Variants in PRUNE2 observed in about 807,000 individuals in gnomAD.
PRUNE2 encodes the protein protein prune homolog 2.
PRUNE2 carries 164 observed loss-of-function variants against 252.0 expected under a neutral mutation model. The ratio of observed to expected loss-of-function variants is 0.65; its 90% CI spans 0.57 to 0.74. The LOEUF (loss-of-function observed/expected upper bound fraction) is 0.74. Among genes scored for constraint, PRUNE2 ranks in the 30% least tolerant of loss-of-function variants. The probability of loss-of-function intolerance (pLI) is 0.00; values close to 1 mark genes in which losing one functional copy is unlikely to be tolerated. For missense variants in PRUNE2, 3,495 were observed against 3,711.0 expected (o/e 0.94, Z 1.51); for synonymous variants, 1,292 against 1,350.2 (o/e 0.96, Z 0.94).
chr9:76,774,460 T>TATTTATTTATTTATTTTA (rs1564272674), intron 6 of PRUNE2, among the ~76,000 whole-genome samples: 1 of 138,662 alleles, frequency 7.2e-6, no homozygotes, highest in Admixed American at 7.2e-5. Context: ...CTTTTTTTTT[T>TATTTATTTATTTATTTTA]TTTTTTTTTT....
At chr9:76,640,828 A>G (rs1430949938) in intron 12 of PRUNE2, among the ~76,000 whole-genome samples, 2 of 152,280 alleles carry the variant, frequency 1.3e-5, no homozygotes, top group African/African-American at 4.8e-5. Flanking sequence ...AAGAGACAAC[A>G]GACATAATGA....
At chr9:76,650,650 A>G (rs1443312069) in intron 11 of PRUNE2, among the ~76,000 whole-genome samples, 2 of 152,214 alleles carry the variant, frequency 1.3e-5, no homozygotes, top group African/African-American at 4.8e-5. Context: ...ATTAAGGTAG[A>G]TTTAAAAATT....
intron 1 of PRUNE2, chr9:76,862,797 T>G (rs988403603): frequency 6.6e-6 from 1 of 152,238 alleles, no homozygotes; most frequent in African/African-American, 2.4e-5. Context: ...GAGTGTTCTC[T>G]TTTGCAATAG....
chr9:76,683,811 CTA>C (rs142632701), intron 9 of PRUNE2, among the ~76,000 whole-genome samples: 1 of 150,808 alleles, frequency 6.6e-6, no homozygotes, highest in Admixed American at 6.6e-5. Context: ...ATGTATTTAT[CTA>C]TATATATATA....
intron 9 of PRUNE2, among the ~76,000 whole-genome samples, chr9:76,694,638 A>T (rs1168952512): frequency 6.6e-6 from 1 of 152,242 alleles, no homozygotes; most frequent in Non-Finnish European, 1.5e-5. Flanking sequence ...TATCACCAGT[A>T]ATACTCCTTT....
chr9:76,844,265 G>A (rs2059553417), intron 4 of PRUNE2, among the ~76,000 whole-genome samples: 1 of 152,082 alleles, frequency 6.6e-6, no homozygotes, highest in Non-Finnish European at 1.5e-5. Flanking sequence ...TGAGTCAGGG[G>A]GGCCAATCCC....
chr9:76,887,233 A>C (rs1016583515), intron 1 of PRUNE2, among the ~76,000 whole-genome samples: 35 of 152,098 alleles, frequency 2.3e-4, no homozygotes, highest in African/African-American at 7.5e-4. Flanking sequence ...CCCAAATGAA[A>C]ACAACCCCTG....
chr9:76,804,466 T>C lies in PRUNE2; in HGVS notation c.756+19166A>G, dbSNP rs185092664. Among the ~76,000 whole-genome samples the C allele has an allele frequency of 7.5e-4, 114 of 152,350 alleles. 2 individuals are homozygous for C. Among genetic ancestry groups the C allele is most frequent in the African/African-American group, 2.6e-3 (110 of 41,572 alleles). On this transcript the variant is annotated intron_variant, in intron 6 of 18. Transcript: ENST00000376718. The stretch of plus-strand genomic sequence containing the variant: ...CATCTACTTCTTTCAAAATGTGTCA[T>C]GGTCCCATATCACTTTGGGAAGAGT...
chr9:76,853,874 T>C (rs997971783), intron 2 of PRUNE2, among the ~76,000 whole-genome samples: 9 of 152,196 alleles, frequency 5.9e-5, no homozygotes, highest in South Asian at 2.1e-4. Context: ...CTTATTGAAA[T>C]AATGTTTTAT....
At chr9:76,801,417 A>T (rs2056544839) in intron 6 of PRUNE2, among the ~76,000 whole-genome samples, 1 of 152,228 alleles carries the variant, frequency 6.6e-6, no homozygotes, top group Non-Finnish European at 1.5e-5. Context: ...AATGAAAAGT[A>T]ATAGAAAATT....
At position 76,637,404 on chromosome 9, in the gene PRUNE2, T is replaced by C; in HGVS notation, c.8963+14A>G. The C allele has an allele frequency of 1.9e-6, 3 of 1,612,808 alleles. No individual in the cohort carries two copies. Among genetic ancestry groups the C allele is most frequent in the South Asian group, 1.1e-5 (1 of 90,986 alleles). On this transcript the variant is annotated intron_variant, in intron 14 of 18. Transcript: ENST00000376718. ...CAAAATCAAAATAGTGATTAAATAATAGAGCCCACATACCGTCTGTCAATC... is the reference window on the plus strand; with the variant it reads ...CAAAATCAAAATAGTGATTAAATAACAGAGCCCACATACCGTCTGTCAATC...
chr9:76,812,115 A>G (rs1482124564), intron 6 of PRUNE2, among the ~76,000 whole-genome samples: 1 of 152,106 alleles, frequency 6.6e-6, no homozygotes, highest in Non-Finnish European at 1.5e-5. Flanking sequence ...CGGGAGGAAA[A>G]TGATAATCCA....
chr9:76,740,134 A>C (rs2049467471), intron 6 of PRUNE2: 1 of 151,084 alleles, frequency 6.6e-6, no homozygotes, highest in Non-Finnish European at 1.5e-5. Flanking sequence ...ATTTCTAATT[A>C]TATGTGGAGG....
At chr9:76,892,947 A>T (rs12555818) in intron 1 of PRUNE2, among the ~76,000 whole-genome samples, 16,227 of 152,292 alleles carry the variant, frequency 0.11, 1,165 homozygotes, top group East Asian at 0.25. Context: ...GGCTGGGCAC[A>T]GTGGCTCACA....
intron 11 of PRUNE2, among the ~76,000 whole-genome samples, chr9:76,651,423 G>A (rs1847343880): frequency 6.6e-6 from 1 of 152,140 alleles, no homozygotes; most frequent in Non-Finnish European, 1.5e-5. Context: ...GCTAGAATTA[G>A]CATGTCTCTA....
intron 6 of PRUNE2, among the ~76,000 whole-genome samples, chr9:76,734,307 G>A (rs946388440): frequency 6.6e-6 from 1 of 152,126 alleles, no homozygotes; most frequent in African/African-American, 2.4e-5. Flanking sequence ...AGGGACAGAG[G>A]AGAAGGTGGT....
intron 6 of PRUNE2, among the ~76,000 whole-genome samples, chr9:76,819,151 G>A (rs963085355): frequency 6.6e-6 from 1 of 152,158 alleles, no homozygotes; most frequent in African/African-American, 2.4e-5. Flanking sequence ...TCAGGAGGAT[G>A]AGGTGGGAGG....
chr9:76,797,319 A>G (rs1394824226), intron 6 of PRUNE2, among the ~76,000 whole-genome samples: 3 of 152,184 alleles, frequency 2.0e-5, no homozygotes, highest in African/African-American at 7.2e-5. Context: ...GGGATATACC[A>G]AATTGGCAAT....
At chr9:76,742,571 T>C (rs565583055) in intron 6 of PRUNE2, among the ~76,000 whole-genome samples, 26 of 152,038 alleles carry the variant, frequency 1.7e-4, no homozygotes, top group Middle Eastern at 6.8e-3. Context: ...CAAGCCAAGA[T>C]TGTGCCATAG....
Sources: allele counts gnomAD v4.1 joint callset (sites outside exome capture counted in the v4.1 genomes callset), GRCh38; gene constraint gnomAD v4.1.1; transcripts MANE v1.5; gene names NCBI Gene and HGNC (gene_info 2026-07-23, HGNC 2026-07-21).